PCDH15: variants seen among roughly 807,000 people sequenced by gnomAD.
The protein encoded by PCDH15 is protocadherin-15.
In PCDH15, 129 loss-of-function variants were observed where a neutral mutation model predicts 178.5. That is an observed-to-expected ratio of 0.72 (90% CI 0.63 to 0.84). The LOEUF (loss-of-function observed/expected upper bound fraction) is 0.84. PCDH15 is among the 40% of genes least tolerant of loss of function. The pLI, the probability that PCDH15 is intolerant of heterozygous loss-of-function variation, is 0.00. For synonymous variants in PCDH15, 800 were observed against 732.0 expected, an observed-to-expected ratio of 1.09 and a Z score of -1.50; for missense variants, 2,230 against 2,099.9, an observed-to-expected ratio of 1.06 and a Z score of -1.21.
At chr10:55,396,916 AT>A (rs1257943273) in intron 2 of PCDH15, among the ~76,000 whole-genome samples, 1 of 152,178 alleles carries the variant, frequency 6.6e-6, no homozygotes, top group Non-Finnish European at 1.5e-5. Flanking sequence ...AAAGCCTACA[AT>A]TTTTGTATAA....
At chr10:54,895,084 C>G (rs1196003680) in intron 3 of PCDH15, among the ~76,000 whole-genome samples, 7 of 152,040 alleles carry the variant, frequency 4.6e-5, no homozygotes, top group Non-Finnish European at 8.8e-5. Flanking sequence ...ATATGGGACA[C>G]ACATAAAAAT....
chr10:55,517,805 C>T (rs1473503468), intron 2 of PCDH15, among the ~76,000 whole-genome samples: 1 of 152,106 alleles, frequency 6.6e-6, no homozygotes, highest in African/African-American at 2.4e-5. Flanking sequence ...TACTATTCAA[C>T]AATACAAAGG....
chr10:53,890,257 C>T (rs1246127650), intron 26 of PCDH15, among the ~76,000 whole-genome samples: 3 of 152,134 alleles, frequency 2.0e-5, no homozygotes. Flanking sequence ...GAAACACCAT[C>T]TCTACTAAAA....
At chr10:54,625,845 G>C (rs1404304278) in intron 2 of PCDH15, among the ~76,000 whole-genome samples, 1 of 152,146 alleles carries the variant, frequency 6.6e-6, no homozygotes, top group African/African-American at 2.4e-5. Context: ...ACAGTTTAGA[G>C]GGCTCAGAAG....
chr10:54,763,089 T>C (rs1307837565), intron 1 of PCDH15, among the ~76,000 whole-genome samples: 2 of 152,174 alleles, frequency 1.3e-5, no homozygotes, highest in Admixed American at 1.3e-4. Flanking sequence ...CTATTTCATT[T>C]GTCTTCTGGG....
At chr10:55,600,624 T>C (rs1160114119) in intron 2 of PCDH15, among the ~76,000 whole-genome samples, 1 of 152,108 alleles carries the variant, frequency 6.6e-6, no homozygotes, top group African/African-American at 2.4e-5. Context: ...ATGATTAAAG[T>C]CCTTCGTGAT....
intron 1 of PCDH15, among the ~76,000 whole-genome samples, chr10:55,295,433 C>A (rs926450710): frequency 1.3e-5 from 2 of 152,126 alleles, no homozygotes; most frequent in Non-Finnish European, 2.9e-5. Flanking sequence ...TTGAGAGAAA[C>A]CAGCAATGTG....
At chr10:54,140,638 T>G (rs2043316283) in intron 14 of PCDH15, among the ~76,000 whole-genome samples, 1 of 151,770 alleles carries the variant, frequency 6.6e-6, no homozygotes, top group Middle Eastern at 3.4e-3. Context: ...CTGGCTAATT[T>G]TTTGTATTTT....
At chr10:54,692,048 A>T (rs10825375) in intron 1 of PCDH15, among the ~76,000 whole-genome samples, 79,194 of 151,978 alleles carry the variant, frequency 0.52, 21,486 homozygotes, top group Non-Finnish European at 0.61. Context: ...ATTTATCTTC[A>T]ATAATTTTAT....
intron 3 of PCDH15, among the ~76,000 whole-genome samples, chr10:54,446,016 G>A (rs57853169): frequency 0.019 from 2,843 of 151,162 alleles, 89 homozygotes; most frequent in African/African-American, 0.065. Context: ...TTTTTTTTAA[G>A]TTCTTGTCCC....
rs150021820 is a variant in PCDH15, at chr10:53,861,763, G to A, written c.3718-4500C>T. Among the ~76,000 whole-genome samples, 791 of 152,050 alleles carry A rather than the reference G, an allele frequency of 5.2e-3. 7 individuals carry two copies. The highest frequency in any genetic ancestry group is 9.0e-3 in the Non-Finnish European group (613 of 67,966). The stretch of plus-strand genomic sequence containing the variant: ...TATTTTATACTTATAGTACATCTCC[G>A]TGTGACCTAGCCATGTTGCAAATAT... On this transcript the variant is annotated intron_variant, in intron 27 of 37. Coordinates refer to ENST00000644397, the MANE Select transcript of PCDH15 (RefSeq NM_001384140.1).
chr10:53,808,748 C>T lies in PCDH15; in HGVS notation c.4672-1618G>A, dbSNP rs774500775. On this transcript the variant is annotated intron_variant, in intron 37 of 37. Transcript: ENST00000644397. ...GCTCCTGGCGACTTCTTTTGGTTTGCATTCTTGCTTCTGTCATACGCTGGT... is the reference window on the plus strand; with the variant it reads ...GCTCCTGGCGACTTCTTTTGGTTTGTATTCTTGCTTCTGTCATACGCTGGT... 22 of 1,613,004 alleles carry T rather than the reference C, an allele frequency of 1.4e-5. No individual in the cohort carries two copies. The South Asian group carries it at 2.4e-4, about 18-fold the overall frequency.
chr10:53,893,924 T>C (rs1332442676), intron 26 of PCDH15, among the ~76,000 whole-genome samples: 1 of 152,186 alleles, frequency 6.6e-6, no homozygotes, highest in Non-Finnish European at 1.5e-5. Context: ...AAAAACCACT[T>C]GTTCTCCCCA....
At chr10:54,340,835 T>C (rs1288651311) in intron 6 of PCDH15, among the ~76,000 whole-genome samples, 4 of 152,128 alleles carry the variant, frequency 2.6e-5, no homozygotes, top group South Asian at 2.1e-4. Context: ...AGGGTCTTCA[T>C]GTGCAGTATG....
intron 28 of PCDH15, among the ~76,000 whole-genome samples, chr10:53,853,344 G>T (rs2078515577): frequency 6.6e-6 from 1 of 151,952 alleles, no homozygotes; most frequent in Non-Finnish European, 1.5e-5. Context: ...GAGGTGTTTT[G>T]TAACACTGGA....
intron 2 of PCDH15, among the ~76,000 whole-genome samples, chr10:55,385,770 C>T (rs1177662082): frequency 6.6e-5 from 9 of 136,862 alleles, no homozygotes; most frequent in South Asian, 2.2e-4. Flanking sequence ...TAGATATATA[C>T]GTATATAGAT....
chr10:55,385,125 C>G (rs1837620705), intron 2 of PCDH15, among the ~76,000 whole-genome samples: 1 of 152,066 alleles, frequency 6.6e-6, no homozygotes, highest in African/African-American at 2.4e-5. Flanking sequence ...AATTACATGA[C>G]AGTAAATGAT....
upstream of PCDH15, among the ~76,000 whole-genome samples, chr10:54,805,666 C>T (rs1173509905): frequency 6.6e-6 from 1 of 152,108 alleles, no homozygotes; most frequent in Admixed American, 6.5e-5. Flanking sequence ...GGATAAGGAA[C>T]AGTATAATCT....
At chr10:55,490,451 A>G (rs1008312462) in intron 2 of PCDH15, among the ~76,000 whole-genome samples, 8 of 151,772 alleles carry the variant, frequency 5.3e-5, no homozygotes, top group African/African-American at 1.9e-4. Flanking sequence ...TAAGCTAAAT[A>G]ATTTTATTTT....
Sources: allele counts gnomAD v4.1 joint callset (sites outside exome capture counted in the v4.1 genomes callset), GRCh38; gene constraint gnomAD v4.1.1; transcripts MANE v1.5; gene names NCBI Gene and HGNC (gene_info 2026-07-23, HGNC 2026-07-21).